The following APIP variants were observed in gnomAD, a reference collection of about 807,000 sequenced individuals.
APIP encodes the protein methylthioribulose-1-phosphate dehydratase.
Under a neutral mutation model 32.0 loss-of-function variants are expected in APIP, and 32 were observed. The observed-to-expected ratio is 1.00, with a 90% CI of 0.76 to 1.34. The LOEUF (loss-of-function observed/expected upper bound fraction) is 1.34. Ranked by LOEUF, APIP falls within the 40% of genes most tolerant of loss-of-function variation. The pLI is 0.00. For missense variants in APIP, 247 were observed against 298.6 expected (o/e 0.83, Z 1.27); for synonymous variants, 92 against 94.8 (o/e 0.97, Z 0.17).
intron 1 of APIP, among the ~76,000 whole-genome samples, chr11:34,897,382 C>A (rs1025296956): frequency 2.0e-5 from 3 of 152,156 alleles, no homozygotes; most frequent in Non-Finnish European, 4.4e-5. Flanking sequence ...AAATGAGATA[C>A]AATGGACATA....
chr11:34,890,813 G>A, intron 2 of APIP: 1 of 255,164 alleles, frequency 3.9e-6, no homozygotes, highest in South Asian at 8.7e-5. Flanking sequence ...TGCAAAGTTG[G>A]TGGTAACCAG....
intron 1 of APIP, among the ~76,000 whole-genome samples, chr11:34,899,178 T>G (rs965299254): frequency 6.6e-6 from 1 of 152,178 alleles, no homozygotes; most frequent in African/African-American, 2.4e-5. Flanking sequence ...CTCGAGCAAA[T>G]AGTATTTCTA....
chr11:34,895,563 T>C (rs1853255598), intron 1 of APIP, among the ~76,000 whole-genome samples: 1 of 152,236 alleles, frequency 6.6e-6, no homozygotes, highest in Non-Finnish European at 1.5e-5. Context: ...GTTGGTTCAA[T>C]TGTATTTTTA....
At chr11:34,886,559 A>T (rs577162262) in intron 5 of APIP, among the ~76,000 whole-genome samples, 1 of 152,322 alleles carries the variant, frequency 6.6e-6, no homozygotes, top group African/African-American at 2.4e-5. Flanking sequence ...AGTCTATAGT[A>T]GTGTAATGTC....
chr11:34,886,852 TTTAGGTTTGTGTATGCACTCTGCTG>T, intron 5 of APIP, among the ~76,000 whole-genome samples: 1 of 152,338 alleles, frequency 6.6e-6, no homozygotes, highest in South Asian at 2.1e-4. Context: ...GGCTATACCA[TTTAGGTTTGTGTATGCACTCTGCTG>T]TTCACACAAT....
intron 2 of APIP, among the ~76,000 whole-genome samples, chr11:34,891,314 C>A (rs1430856): frequency 0.6 from 91,276 of 151,964 alleles, 28,445 homozygotes; most frequent in East Asian, 0.74. Flanking sequence ...TTCCCTCCAC[C>A]CTCAACAACA....
intron 1 of APIP, among the ~76,000 whole-genome samples, chr11:34,904,831 C>T (rs1853419964): frequency 6.6e-6 from 1 of 152,178 alleles, no homozygotes; most frequent in Non-Finnish European, 1.5e-5. Context: ...GAGGGAGCAA[C>T]CCCTGACAAC....
intron 1 of APIP, among the ~76,000 whole-genome samples, chr11:34,898,786 G>GTTTTTTTT (rs57593563): frequency 1.8e-5 from 1 of 55,166 alleles, no homozygotes; most frequent in Non-Finnish European, 3.1e-5. Flanking sequence ...TCTTTCTTTG[G>GTTTTTTTT]TTTTTTTTTT....
At chr11:34,898,796 T>G (rs1435962460) in intron 1 of APIP, among the ~76,000 whole-genome samples, 3 of 123,998 alleles carry the variant, frequency 2.4e-5, no homozygotes, top group African/African-American at 6.3e-5. Flanking sequence ...GTTTTTTTTT[T>G]TTTTTTTTTT....
At chr11:34,899,925 A>G (rs1853348124) in intron 1 of APIP, among the ~76,000 whole-genome samples, 1 of 152,252 alleles carries the variant, frequency 6.6e-6, no homozygotes, top group African/African-American at 2.4e-5. Flanking sequence ...AACGGGTAAC[A>G]GATCATCTTT....
chr11:34,888,426 C>T lies in APIP; in HGVS notation c.328G>A (p.Ala110Thr). Residue 110 changes from alanine (A) to threonine (T), a missense_variant and splice_region_variant, in exon 5 of 7, where the codon GCA becomes ACA. By Grantham distance (58) the Ala-to-Thr change is moderately conservative (BLOSUM62 0). Coordinates refer to ENST00000395787, the MANE Select transcript of APIP (RefSeq NM_015957.4). ...GAGTGGGTATGAATCACTGCACCTGCTCCTGAAGGAGGAAGAAGAAAGCCG... is the reference window on the plus strand; with the variant it reads ...GAGTGGGTATGAATCACTGCACCTGTTCCTGAAGGAGGAAGAAGAAAGCCG... ...LFMNAYTMRG[A>T]GAVIHTHSKA... The T allele has an allele frequency of 5.0e-6, 8 of 1,604,884 alleles. No homozygotes were observed. In the South Asian group the frequency reaches 9.1e-5, roughly 18 times the overall value.
rs553562684 is a variant in APIP, at chr11:34,910,415, G to A, written c.57+5813C>T. On this transcript the variant is annotated intron_variant, in intron 1 of 6. Coordinates refer to ENST00000395787, the MANE Select transcript of APIP (RefSeq NM_015957.4). ...TGTTGCTATAAAGAAGGGCTAGACA[G>A]GGAAAAAGAAGGGAAAAACTGGTTA... 1.9e-4 allele frequency among the ~76,000 whole-genome samples: 29 copies of A among 152,308 alleles called. 1 individual carries two copies. The South Asian group carries it at 6.0e-3, about 32-fold the overall frequency.
chr11:34,896,847 T>G (rs1389599392), intron 1 of APIP: 1 of 1,276,192 alleles, frequency 7.8e-7, no homozygotes, highest in Non-Finnish European at 1.0e-6. Flanking sequence ...TTGATAGCCA[T>G]GTAAGCCACT....
Position 34,882,588 on chromosome 11 carries a change from C to A in APIP, c.*129G>T, listed in dbSNP as rs528147642. 1 of 584,606 alleles carries A rather than the reference C, an allele frequency of 1.7e-6. No individual in the cohort carries two copies. The highest frequency in any genetic ancestry group is 3.3e-5 in the Admixed American group (1 of 30,688). The allele number at this position is 584,606 out of a possible 1,614,324, so 36.2% of individuals were successfully genotyped here. On this transcript the variant is annotated 3_prime_UTR_variant, in exon 7 of 7. Coordinates refer to ENST00000395787, the MANE Select transcript of APIP (RefSeq NM_015957.4). ...CAATGTCAGAAGAGATTCAGGGTGA[C>A]CATTTGCAGTATTTAGTGGCAAATT...
At chr11:34,915,421 A>G (rs1853655729) in intron 1 of APIP, among the ~76,000 whole-genome samples, 1 of 152,220 alleles carries the variant, frequency 6.6e-6, no homozygotes, top group African/African-American at 2.4e-5. Context: ...AGGATTTTCA[A>G]CCCTAAGAAA....
chr11:34,882,926 G>T, intron 6 of APIP, 110 bp from the exon 7 acceptor site: 2 of 748,322 alleles, frequency 2.7e-6, no homozygotes, highest in Non-Finnish European at 4.3e-6. Flanking sequence ...TTCCTAGTAT[G>T]TATTTTCTCT....
At chr11:34,910,178 C>G (rs776642872) in intron 1 of APIP, among the ~76,000 whole-genome samples, 27 of 152,188 alleles carry the variant, frequency 1.8e-4, no homozygotes, top group South Asian at 4.1e-4. Flanking sequence ...TTCAGCTGCT[C>G]AATGCCAGCC....
intron 1 of APIP, among the ~76,000 whole-genome samples, chr11:34,898,568 GTC>G (rs147754581): frequency 2.9e-4 from 44 of 149,768 alleles, no homozygotes; most frequent in Admixed American, 2.0e-4. Flanking sequence ...TCTATCCACA[GTC>G]TCTCTCTCTC....
At chr11:34,899,771 A>T (rs1853344915) in intron 1 of APIP, among the ~76,000 whole-genome samples, 1 of 152,234 alleles carries the variant, frequency 6.6e-6, no homozygotes, top group Non-Finnish European at 1.5e-5. Flanking sequence ...AGTCATGGGC[A>T]GCACATTTAA....
Sources: allele counts gnomAD v4.1 joint callset (sites outside exome capture counted in the v4.1 genomes callset), GRCh38; gene constraint gnomAD v4.1.1; transcripts MANE v1.5; gene names NCBI Gene and HGNC (gene_info 2026-07-23, HGNC 2026-07-21).